The following BTBD9 variants were observed in gnomAD, a reference collection of about 807,000 sequenced individuals.
BTBD9 encodes the protein BTB domain containing 9.
BTBD9 carries 49 observed loss-of-function variants against 64.3 expected under a neutral mutation model. That is an observed-to-expected ratio of 0.76 (90% CI 0.61 to 0.97). The LOEUF (loss-of-function observed/expected upper bound fraction) is 0.97. BTBD9 is among the 50% of genes least tolerant of loss of function. The probability of loss-of-function intolerance (pLI) is 0.00; values close to 1 mark genes in which losing one functional copy is unlikely to be tolerated. For missense variants in BTBD9, 598 were observed against 762.1 expected, an observed-to-expected ratio of 0.78 and a Z score of 2.53; for synonymous variants, 260 against 274.7, an observed-to-expected ratio of 0.95 and a Z score of 0.53.
At chr6:38,243,667 A>G (rs1248093425) in intron 9 of BTBD9, among the ~76,000 whole-genome samples, 1 of 152,224 alleles carries the variant, frequency 6.6e-6, no homozygotes, top group Non-Finnish European at 1.5e-5. Context: ...GAAGGGAGCT[A>G]CAACAACAAA....
In BTBD9 at chr6:38,174,007, CCTGACG is replaced by C. The variant is rs1018220875; in HGVS notation, c.*972_*977del. 7 of 152,348 alleles carry C rather than the reference CCTGACG, an allele frequency of 4.6e-5. No homozygotes were observed. Among genetic ancestry groups the C allele is most frequent in the African/African-American group, 1.7e-4 (7 of 41,566 alleles). The allele number at this position is 152,348 out of a possible 1,614,324, so 9.4% of individuals were successfully genotyped here. ...AAGCACGGAGTCCCAGTTCTGCGTTCCTGACGCTGATGGGCAGGTGGCTGCCTCTCC... is the reference window on the plus strand; with the variant it reads ...AAGCACGGAGTCCCAGTTCTGCGTTCCTGATGGGCAGGTGGCTGCCTCTCC... On this transcript the variant is annotated 3_prime_UTR_variant, in exon 11 of 11. Transcript: ENST00000481247.
chr6:38,298,858 T>C (rs1762265508), intron 7 of BTBD9, among the ~76,000 whole-genome samples: 1 of 151,172 alleles, frequency 6.6e-6, no homozygotes, highest in Non-Finnish European at 1.5e-5. Context: ...TTTCATTCTT[T>C]TTTTTTTTTT....
chr6:38,379,596 G>T (rs936384150), intron 6 of BTBD9, among the ~76,000 whole-genome samples: 1 of 151,806 alleles, frequency 6.6e-6, no homozygotes, highest in Non-Finnish European at 1.5e-5. Flanking sequence ...GGTAAAGAAG[G>T]TTCTAGAAAG....
In BTBD9 at chr6:38,174,975, G is replaced by A. The variant is rs373279616; in HGVS notation, c.*10C>T. 5.6e-6 allele frequency: 9 copies of A among 1,613,168 alleles called. No individual in the cohort carries two copies. Among genetic ancestry groups the A allele is most frequent in the Middle Eastern group, 1.7e-4 (1 of 6,026 alleles). On this transcript the variant is annotated 3_prime_UTR_variant, in exon 11 of 11. Transcript: ENST00000481247. Reference sequence around the variant, plus strand: ...GAGCCCACCAAGTCACACCAGGCCCGCTGCCTCCTTTATTGGTGCTGCCGG... The same window carrying A: ...GAGCCCACCAAGTCACACCAGGCCCACTGCCTCCTTTATTGGTGCTGCCGG...
chr6:38,509,053 T>TA (rs1214733359), intron 6 of BTBD9, among the ~76,000 whole-genome samples: 12 of 152,210 alleles, frequency 7.9e-5, no homozygotes, highest in Non-Finnish European at 1.8e-4. Flanking sequence ...TTTAAACACT[T>TA]ACTTGTATAG....
At chr6:38,550,693 G>C (rs967768851) in intron 6 of BTBD9, among the ~76,000 whole-genome samples, 8 of 152,014 alleles carry the variant, frequency 5.3e-5, no homozygotes, top group Non-Finnish European at 1.0e-4. Context: ...AGAATCTAAA[G>C]CAATCCCTAC....
chr6:38,341,240 C>T (rs1764086322), intron 7 of BTBD9, among the ~76,000 whole-genome samples: 1 of 152,152 alleles, frequency 6.6e-6, no homozygotes, highest in Non-Finnish European at 1.5e-5. Flanking sequence ...GAAATTGGAA[C>T]ACTGACTGCA....
chr6:38,592,835 T>C lies in BTBD9; in HGVS notation c.555A>G (p.Ala185=). The change falls in exon 4 of 11, where the codon GCA becomes GCG. Residue 185 remains alanine (A), a synonymous_variant. Transcript: ENST00000481247. ...SEGFLSLSKT[A]LLNIVLRDSF... is the part of the protein sequence containing the mutation. ...AGTCTCTTAACACGATGTTTAAAAG[T>C]GCTGTCTGAAAAGGATAAAAAGGTA... is the stretch of plus-strand genomic sequence containing the variant. The C allele has an allele frequency of 6.2e-7, 1 of 1,613,802 alleles. No homozygotes were observed. The highest frequency in any genetic ancestry group is 1.1e-5 in the South Asian group (1 of 91,030).
Position 38,532,947 on chromosome 6 carries a change from T to C in BTBD9, c.1154+44653A>G, listed in dbSNP as rs563238467. On this transcript the variant is annotated intron_variant, in intron 6 of 10. Transcript: ENST00000481247. ...GGCCACAGGCGAGTAGAGCACAAAG[T>C]GGGCACCTTCACTAAAAGGAAGACA... Among the ~76,000 whole-genome samples, 5 of 151,544 alleles carry C rather than the reference T, an allele frequency of 3.3e-5. No individual in the cohort carries two copies. The South Asian group carries it at 1.0e-3, about 32-fold the overall frequency.
intron 6 of BTBD9, among the ~76,000 whole-genome samples, chr6:38,418,404 A>C (rs1055192901): frequency 1.3e-5 from 2 of 152,060 alleles, no homozygotes; most frequent in Admixed American, 1.3e-4. Context: ...TACCACTTCC[A>C]CTCTGCTCCT....
intron 1 of BTBD9, among the ~76,000 whole-genome samples, chr6:38,637,366 G>A (rs1450994372): frequency 6.6e-6 from 1 of 152,146 alleles, no homozygotes; most frequent in African/African-American, 2.4e-5. Flanking sequence ...ACACATCTTG[G>A]TTAGCAATTC....
chr6:38,556,886 G>A (rs184885382), intron 6 of BTBD9, among the ~76,000 whole-genome samples: 29 of 150,618 alleles, frequency 1.9e-4, no homozygotes, highest in African/African-American at 6.6e-4. Flanking sequence ...ATGTAGTGGC[G>A]CCTGTAATTC....
At chr6:38,257,289 C>T (rs1764626404) in intron 8 of BTBD9, among the ~76,000 whole-genome samples, 1 of 151,932 alleles carries the variant, frequency 6.6e-6, no homozygotes, top group African/African-American at 2.4e-5. Flanking sequence ...TTGCAGCCTC[C>T]AACTCCTGGG....
At chr6:38,364,889 C>T (rs993339736) in intron 6 of BTBD9, among the ~76,000 whole-genome samples, 1 of 152,138 alleles carries the variant, frequency 6.6e-6, no homozygotes, top group Admixed American at 6.5e-5. Flanking sequence ...TCTGAGACTT[C>T]TGGAGATCCT....
rs545468574 is a variant in BTBD9 at position 38,242,441 on chromosome 6, A to T, written c.1562+13968T>A. On this transcript the variant is annotated intron_variant, in intron 9 of 10. Coordinates refer to ENST00000481247, the MANE Select transcript of BTBD9 (RefSeq NM_001099272.2). ...GTTCTAATCCAGGGCTTGCCATTAG[A>T]TGAGAACTTGGGAAAGGCACCTGTG... 1.1e-4 allele frequency among the ~76,000 whole-genome samples: 16 copies of T among 152,324 alleles called. No homozygotes were observed. The South Asian group carries it at 3.3e-3, about 32-fold the overall frequency.
At chr6:38,532,495 C>G (rs77580991) in intron 6 of BTBD9, among the ~76,000 whole-genome samples, 219 of 152,284 alleles carry the variant, frequency 1.4e-3, no homozygotes, top group African/African-American at 5.1e-3. Context: ...CAACCACAGG[C>G]TGCTCAGCTC....
chr6:38,553,361 G>A (rs987041542), intron 6 of BTBD9, among the ~76,000 whole-genome samples: 5 of 152,138 alleles, frequency 3.3e-5, no homozygotes, highest in African/African-American at 1.2e-4. Context: ...ACTTGATATT[G>A]ATTAGATTTG....
intron 6 of BTBD9, chr6:38,481,801 T>G (rs1343235812): frequency 6.6e-6 from 1 of 152,254 alleles, no homozygotes; most frequent in Non-Finnish European, 1.5e-5. Flanking sequence ...AAAAGCTTCT[T>G]TATTCAGGTG....
chr6:38,324,356 G>A (rs188438182), intron 7 of BTBD9, among the ~76,000 whole-genome samples: 3 of 152,266 alleles, frequency 2.0e-5, no homozygotes, highest in Non-Finnish European at 2.9e-5. Flanking sequence ...TATAGAAAAC[G>A]TCATGTCTAG....
Sources: gnomAD v4.1 joint callset for allele counts (sites outside exome capture counted in the v4.1 genomes callset) on GRCh38, gnomAD v4.1.1 for gene constraint, MANE v1.5 for transcripts, NCBI Gene and HGNC (gene_info 2026-07-23, HGNC 2026-07-21) for gene names.